Variants in ZNF518A observed in about 807,000 individuals in gnomAD.
The protein encoded by ZNF518A is zinc finger protein 518.
ZNF518A carries 47 observed loss-of-function variants against 102.7 expected under a neutral mutation model. The observed-to-expected ratio is 0.46, with a 90% CI of 0.36 to 0.58. ZNF518A has a LOEUF of 0.58. Ranked by LOEUF, ZNF518A falls within the 20% of genes least tolerant of loss-of-function variation. ZNF518A has a pLI of 0.00. For synonymous variants in ZNF518A, 652 were observed against 594.6 expected, an observed-to-expected ratio of 1.10 and a Z score of -1.40; for missense variants, 1,793 against 1,699.8, an observed-to-expected ratio of 1.05 and a Z score of -0.96.
intron 2 of ZNF518A, chr10:96,203,833 G>A (rs1253388683): frequency 1.1e-5 from 4 of 380,246 alleles, no homozygotes; most frequent in African/African-American, 2.1e-5. Flanking sequence ...ATATTAAATC[G>A]CTACTAAAAA....
rs767258648 is a variant in ZNF518A, at chr10:96,162,704, T to C, written c.*1930T>C. 2 of 166,078 alleles carry C rather than the reference T, an allele frequency of 1.2e-5. No individual in the cohort carries two copies. The highest frequency in any genetic ancestry group is 2.9e-5 in the Non-Finnish European group (2 of 68,020). The allele number at this position is 166,078 out of a possible 1,614,324, so 10.3% of individuals were successfully genotyped here. Reference sequence around the variant, plus strand: ...GCATTGTTAATTTCTGTAATGAACATTTTCAATTAAATTTATCTTGTTTGT... The same window carrying C: ...GCATTGTTAATTTCTGTAATGAACACTTTCAATTAAATTTATCTTGTTTGT... On this transcript the variant is annotated 3_prime_UTR_variant, in exon 6 of 6. Coordinates refer to ENST00000316045, the MANE Select transcript of ZNF518A (RefSeq NM_001330736.2).
At chr10:96,136,740 A>G (rs1354143890) in intron 3 of ZNF518A, among the ~76,000 whole-genome samples, 2 of 152,172 alleles carry the variant, frequency 1.3e-5, no homozygotes, top group African/African-American at 4.8e-5. Context: ...GGGCTCCAGA[A>G]CTAGGAATGA....
chr10:96,173,384 C>A (rs1293998032), intron 1 of ZNF518A, among the ~76,000 whole-genome samples: 1 of 152,106 alleles, frequency 6.6e-6, no homozygotes, highest in African/African-American at 2.4e-5. Flanking sequence ...AGGAGCTACA[C>A]TTTAGACTCA....
At chr10:96,188,889 A>G (rs2083289213) in intron 1 of ZNF518A, among the ~76,000 whole-genome samples, 1 of 152,182 alleles carries the variant, frequency 6.6e-6, no homozygotes, top group African/African-American at 2.4e-5. Context: ...CACCAGGGCC[A>G]TGCTCCCTCT....
chr10:96,204,131 A>G (rs1438427697), downstream of ZNF518A: 2 of 1,610,302 alleles, frequency 1.2e-6, no homozygotes, highest in African/African-American at 1.3e-5. Context: ...AAAGCACAAT[A>G]TGAGTAAGTT....
intron 1 of ZNF518A, among the ~76,000 whole-genome samples, chr10:96,132,279 G>A (rs1228650432): frequency 1.3e-5 from 2 of 151,302 alleles, no homozygotes; most frequent in African/African-American, 4.9e-5. Flanking sequence ...GTGGTGGTAG[G>A]ATAACTGAAT....
intron 3 of ZNF518A, among the ~76,000 whole-genome samples, chr10:96,146,217 A>G (rs587620206): frequency 6.6e-6 from 1 of 152,236 alleles, no homozygotes; most frequent in East Asian, 1.9e-4. Context: ...TTTAATCATC[A>G]TTTATTGGTG....
chr10:96,144,689 C>T (rs2082089400), intron 3 of ZNF518A, among the ~76,000 whole-genome samples: 1 of 151,718 alleles, frequency 6.6e-6, no homozygotes, highest in Admixed American at 6.6e-5. Context: ...AAGGAAAGAA[C>T]AAAAATTAAA....
chr10:96,189,760 A>G, intron 1 of ZNF518A: 1 of 774,534 alleles, frequency 1.3e-6, no homozygotes, highest in Non-Finnish European at 2.3e-6. Flanking sequence ...TTTTACTTTT[A>G]TTCTCTGGAA....
downstream of ZNF518A, among the ~76,000 whole-genome samples, chr10:96,167,526 C>A (rs1274070613): frequency 2.0e-5 from 3 of 151,938 alleles, no homozygotes; most frequent in Non-Finnish European, 4.4e-5. Flanking sequence ...TAATGTCTCA[C>A]CAAGTAGAGA....
chr10:96,180,856 AC>A (rs2083236063), intron 1 of ZNF518A, among the ~76,000 whole-genome samples: 2 of 152,164 alleles, frequency 1.3e-5, no homozygotes, highest in Non-Finnish European at 1.5e-5. Context: ...TTGGGTATAT[AC>A]CCAGTAATGT....
At chr10:96,140,945 A>G (rs1190758649) in intron 3 of ZNF518A, among the ~76,000 whole-genome samples, 1 of 151,876 alleles carries the variant, frequency 6.6e-6, no homozygotes, top group East Asian at 1.9e-4. Context: ...CCCTGTCTCA[A>G]AAAAAAAGAT....
chr10:96,194,742 C>T (rs2083415011), intron 1 of ZNF518A, among the ~76,000 whole-genome samples: 1 of 149,332 alleles, frequency 6.7e-6, no homozygotes, highest in South Asian at 2.1e-4. Flanking sequence ...AAATGTTCAA[C>T]ATCACTAATC....
At chr10:96,149,191 T>G (rs2082315317) in intron 3 of ZNF518A, among the ~76,000 whole-genome samples, 2 of 152,348 alleles carry the variant, frequency 1.3e-5, no homozygotes, top group African/African-American at 4.8e-5. Flanking sequence ...AATGTTTATT[T>G]TCGGTTTTGG....
intron 3 of ZNF518A, among the ~76,000 whole-genome samples, chr10:96,143,489 T>TCC (rs1325592407): frequency 2.0e-5 from 3 of 152,214 alleles, no homozygotes; most frequent in Non-Finnish European, 4.4e-5. Context: ...CTTACATGTT[T>TCC]TAAGTCCTGC....
At chr10:96,197,123 T>G in intron 1 of ZNF518A, 1 of 1,391,820 alleles carries the variant, frequency 7.2e-7, no homozygotes, top group Non-Finnish European at 9.8e-7. Context: ...TTCTACAGGT[T>G]CAAAAAATCA....
chr10:96,175,967 A>G lies in ZNF518A; in HGVS notation n.35+19920A>G, dbSNP rs187616929. Among the ~76,000 whole-genome samples the G allele has an allele frequency of 3.3e-4, 43 of 132,106 alleles. No individual in the cohort carries two copies. In the East Asian group the frequency reaches 9.2e-3, roughly 28 times the overall value. The allele number at this position is 132,106 out of a possible 152,430, so 86.7% of individuals were successfully genotyped here. ...TCCTCCTTCCTTTCTTTTGTTTTTT[A>G]GAGATAGGTCTTACTCTATCTCTCA... On this transcript the variant is annotated intron_variant and non_coding_transcript_variant, in intron 1 of 2. Coordinates refer to the ZNF518A transcript ENST00000442635.
chr10:96,171,527 G>A (rs2083173306), intron 1 of ZNF518A, among the ~76,000 whole-genome samples: 1 of 152,112 alleles, frequency 6.6e-6, no homozygotes, highest in African/African-American at 2.4e-5. Context: ...AGCTAAAGGT[G>A]TTTAAAGGAA....
intron 1 of ZNF518A, among the ~76,000 whole-genome samples, chr10:96,201,964 G>C (rs7099008): frequency 5.9e-5 from 9 of 152,060 alleles, no homozygotes; most frequent in African/African-American, 2.2e-4. Flanking sequence ...GGAAGAATAT[G>C]TGGGTGAGAT....
Sources: gnomAD v4.1 joint callset for allele counts (sites outside exome capture counted in the v4.1 genomes callset) on GRCh38, gnomAD v4.1.1 for gene constraint, MANE v1.5 for transcripts, NCBI Gene and HGNC (gene_info 2026-07-23, HGNC 2026-07-21) for gene names.